The following DIAPH2 variants were observed in gnomAD, a reference collection of about 807,000 sequenced individuals.
DIAPH2 encodes diaphanous related formin 2, also known as protein diaphanous homolog 2.
DIAPH2 carries 35 observed loss-of-function variants against 92.7 expected under a neutral mutation model. The observed-to-expected ratio is 0.38, with a 90% CI of 0.29 to 0.50. The LOEUF (loss-of-function observed/expected upper bound fraction) is 0.50. Ranked by LOEUF, DIAPH2 falls within the 20% of genes least tolerant of loss-of-function variation. The pLI, the probability that DIAPH2 is intolerant of heterozygous loss-of-function variation, is 0.94. For missense variants in DIAPH2, 701 were observed against 819.5 expected (o/e 0.86, Z 1.77); for synonymous variants, 301 against 280.4 (o/e 1.07, Z -0.73).
chrX:97,344,498 A>G (rs1489125158), intron 23 of DIAPH2, among the ~76,000 whole-genome samples: 1 of 112,246 alleles, frequency 8.9e-6, no homozygotes, highest in Non-Finnish European at 1.9e-5. Flanking sequence ...GATGTTGTCC[A>G]CTTCTTTTCT....
intron 23 of DIAPH2, among the ~76,000 whole-genome samples, chrX:97,337,246 T>C (rs769772517): frequency 9.1e-6 from 1 of 110,485 alleles, no homozygotes; most frequent in African/African-American, 3.3e-5. Flanking sequence ...CTTGATATAC[T>C]TCGGATAGTA....
chrX:96,895,048 G>A (rs1179643384), intron 5 of DIAPH2, among the ~76,000 whole-genome samples: 1 of 101,044 alleles, frequency 9.9e-6, no homozygotes, highest in Non-Finnish European at 2.0e-5. Context: ...CTGTTGCCCA[G>A]GCTGGAGTGT....
chrX:97,236,942 C>T (rs1018422603), intron 22 of DIAPH2, among the ~76,000 whole-genome samples: 1 of 111,779 alleles, frequency 8.9e-6, no homozygotes, highest in Non-Finnish European at 1.9e-5. Flanking sequence ...GTTCATTTAT[C>T]GCATCTAGTT....
At chrX:97,327,545 G>A (rs2068962434) in intron 23 of DIAPH2, among the ~76,000 whole-genome samples, 1 of 111,837 alleles carries the variant, frequency 8.9e-6, no homozygotes, top group South Asian at 3.7e-4. Context: ...CAATTCTCAT[G>A]CCTCAGCCTC....
chrX:97,464,409 G>A (rs937360141), intron 26 of DIAPH2, among the ~76,000 whole-genome samples: 4 of 109,521 alleles, frequency 3.7e-5, no homozygotes, highest in East Asian at 5.7e-4. Context: ...CCCAGGAGGC[G>A]GAGCTTGCAG....
chrX:97,247,731 C>T lies in DIAPH2; in HGVS notation c.2736C>T (p.Leu912=). 1 of 1,203,771 alleles carries T rather than the reference C, an allele frequency of 8.3e-7. No individual in the cohort carries two copies. Among genetic ancestry groups the T allele is most frequent in the South Asian group, 1.8e-5 (1 of 55,550 alleles). The change falls in exon 23 of 27, where the codon CTC becomes CTT. Residue 912 remains leucine (L), a synonymous_variant. Transcript: ENST00000324765. ...ESASKVSAQI[L]KSNLASMEQQ... The stretch of plus-strand genomic sequence containing the variant: ...GTTCTTTAGTTTCAGCTCAAATTCT[C>T]AAGAGCAACCTTGCATCAATGGAAC...
intron 23 of DIAPH2, among the ~76,000 whole-genome samples, chrX:97,265,852 G>A (rs764060642): frequency 8.9e-6 from 1 of 111,766 alleles, no homozygotes; most frequent in Non-Finnish European, 1.9e-5. Flanking sequence ...TCACTATTGA[G>A]TTGAGTTTTA....
chrX:97,057,805 T>G (rs1334968723), intron 17 of DIAPH2, among the ~76,000 whole-genome samples: 1 of 111,662 alleles, frequency 9.0e-6, no homozygotes, highest in East Asian at 2.8e-4. Flanking sequence ...TTGACTCAGA[T>G]AGATGGAGTT....
rs893496934 is a variant in DIAPH2, at chrX:96,843,697, C to G, written c.448-37882C>G. Among the ~76,000 whole-genome samples, 2 of 111,553 alleles carry G rather than the reference C, an allele frequency of 1.8e-5. 1 individual carries two copies. The highest frequency in any genetic ancestry group is 5.7e-4 in the East Asian group (2 of 3,537). On this transcript the variant is annotated intron_variant, in intron 4 of 26. Transcript: ENST00000324765. ...AGGAAGCCTGTTAACTACTCTCGCC[C>G]CACTACACAGGAATTCAAGAGCCCA...
chrX:97,317,483 T>G (rs2068849890), intron 23 of DIAPH2, among the ~76,000 whole-genome samples: 1 of 112,173 alleles, frequency 8.9e-6, no homozygotes, highest in East Asian at 2.8e-4. Flanking sequence ...CCTCTTTTGC[T>G]TATGATTACC....
At chrX:97,310,404 G>T (rs867427828) in intron 23 of DIAPH2, among the ~76,000 whole-genome samples, 24 of 111,889 alleles carry the variant, frequency 2.1e-4, no homozygotes, top group African/African-American at 7.5e-4. Context: ...ATGCCATAGG[G>T]TATAAAAGTG....
chrX:96,860,019 A>G (rs1211107821), intron 4 of DIAPH2, among the ~76,000 whole-genome samples: 1 of 112,224 alleles, frequency 8.9e-6, no homozygotes, highest in Non-Finnish European at 1.9e-5. Context: ...GGGAGGAAAT[A>G]TACATTCCAA....
At chrX:97,367,575 A>G (rs1833731891) in intron 24 of DIAPH2, among the ~76,000 whole-genome samples, 1 of 112,056 alleles carries the variant, frequency 8.9e-6, no homozygotes. Context: ...GTGTCAAAGA[A>G]AGATATGAAA....
At chrX:97,512,024 A>C (rs1602639094) in intron 26 of DIAPH2, among the ~76,000 whole-genome samples, 2 of 113,643 alleles carry the variant, frequency 1.8e-5, no homozygotes, top group African/African-American at 6.5e-5. Flanking sequence ...CTGGCCTCAT[A>C]AAATCAGTTA....
Position 96,836,864 on chromosome X carries a change from A to G in DIAPH2, c.448-44715A>G, listed in dbSNP as rs1179269111. 3.1e-5 allele frequency among the ~76,000 whole-genome samples: 3 copies of G among 97,261 alleles called. No homozygotes were observed. In the Admixed American group the frequency reaches 3.4e-4, roughly 11 times the overall value. The allele number at this position is 97,261 out of a possible 115,157, so 84.5% of individuals were successfully genotyped here. A position where few individuals can be genotyped will look rare whatever the true frequency, so the allele number is the denominator to read the frequency against. ...TGCCTCAGCCTCCCGAGTAGCTGGG[A>G]CTACAGGCGCCCGCTACCACGCCCG... On this transcript the variant is annotated intron_variant, in intron 4 of 26. Transcript: ENST00000324765.
chrX:96,719,220 C>T (rs2063974388), intron 1 of DIAPH2, among the ~76,000 whole-genome samples: 1 of 112,002 alleles, frequency 8.9e-6, no homozygotes, highest in Non-Finnish European at 1.9e-5. Context: ...ATATTTTCTC[C>T]TATACTGTGG....
chrX:97,346,412 T>TC (rs1192045402), intron 23 of DIAPH2, among the ~76,000 whole-genome samples: 1 of 102,206 alleles, frequency 9.8e-6, no homozygotes, highest in African/African-American at 3.6e-5. Flanking sequence ...CTCTTCTCCC[T>TC]CCCCCCTTCC....
chrX:96,946,399 T>G (rs1235885978), intron 14 of DIAPH2, among the ~76,000 whole-genome samples: 1 of 111,827 alleles, frequency 8.9e-6, no homozygotes, highest in Non-Finnish European at 1.9e-5. Context: ...TTCAGCCTTC[T>G]CTCAGCAAGA....
chrX:97,596,016 T>C (rs5920934), intron 26 of DIAPH2, among the ~76,000 whole-genome samples: 4,539 of 111,978 alleles, frequency 0.041, 84 homozygotes, highest in Non-Finnish European at 0.061. Context: ...CAGAATCTAT[T>C]CACCTTCACA....
Sources: allele counts gnomAD v4.1 joint callset (sites outside exome capture counted in the v4.1 genomes callset), GRCh38; gene constraint gnomAD v4.1.1; transcripts MANE v1.5; gene names NCBI Gene and HGNC (gene_info 2026-07-23, HGNC 2026-07-21).